ALK: variants seen among roughly 807,000 people sequenced by gnomAD.
ALK encodes ALK tyrosine kinase receptor.
A neutral mutation model predicts 163.1 loss-of-function variants in ALK; 74 were observed. That is an observed-to-expected ratio of 0.45 (90% CI 0.38 to 0.55). The LOEUF (loss-of-function observed/expected upper bound fraction) is 0.55. ALK is among the 20% of genes least tolerant of loss of function. ALK has a pLI of 0.00. For missense variants in ALK, 2,063 were observed against 2,105.3 expected (o/e 0.98, Z 0.39); for synonymous variants, 960 against 843.2 (o/e 1.14, Z -2.40).
intron 1 of ALK, among the ~76,000 whole-genome samples, chr2:29,844,614 G>T (rs958946477): frequency 7.2e-5 from 11 of 152,074 alleles, no homozygotes; most frequent in Admixed American, 4.6e-4. Flanking sequence ...TCTTCTGAAG[G>T]TTAGAACCAT....
intron 1 of ALK, among the ~76,000 whole-genome samples, chr2:29,743,960 T>A (rs1006665215): frequency 3.9e-5 from 6 of 151,914 alleles, no homozygotes; most frequent in African/African-American, 1.2e-4. Flanking sequence ...AAAAAAATGC[T>A]TAGACCATGT....
At chr2:29,531,025 G>A (rs1329672533) in intron 4 of ALK, among the ~76,000 whole-genome samples, 3 of 152,172 alleles carry the variant, frequency 2.0e-5, no homozygotes, top group East Asian at 3.9e-4. Flanking sequence ...CAAAGCAACA[G>A]GCAGGATCTC....
At chr2:29,840,450 G>A (rs1002397063) in intron 1 of ALK, among the ~76,000 whole-genome samples, 2 of 152,182 alleles carry the variant, frequency 1.3e-5, no homozygotes, top group Admixed American at 1.3e-4. Flanking sequence ...CTTCAGTCTA[G>A]TAACAGTTAG....
chr2:29,670,364 G>A (rs1169714402), intron 3 of ALK, among the ~76,000 whole-genome samples: 2 of 151,986 alleles, frequency 1.3e-5, no homozygotes, highest in Non-Finnish European at 2.9e-5. Context: ...CTACTTAGAA[G>A]TCTGTTGAGA....
intron 1 of ALK, among the ~76,000 whole-genome samples, chr2:29,773,730 G>A (rs79032786): frequency 0.038 from 5,727 of 152,198 alleles, 134 homozygotes; most frequent in Middle Eastern, 0.054. Flanking sequence ...GCTGAATTTT[G>A]TTTCATCAAC....
At chr2:29,710,127 G>C (rs1389635681) in intron 2 of ALK, among the ~76,000 whole-genome samples, 2 of 152,130 alleles carry the variant, frequency 1.3e-5, no homozygotes, top group Non-Finnish European at 2.9e-5. Context: ...TTATAATGTG[G>C]AGTTCCCCTG....
intron 22 of ALK, among the ~76,000 whole-genome samples, chr2:29,222,119 C>T (rs777829593): frequency 3.9e-5 from 6 of 152,176 alleles, no homozygotes; most frequent in South Asian, 2.1e-4. Flanking sequence ...ACAGTGACAT[C>T]GGTGGGATTA....
chr2:29,682,258 C>T (rs778394372), intron 3 of ALK, among the ~76,000 whole-genome samples: 1 of 152,162 alleles, frequency 6.6e-6, no homozygotes, highest in African/African-American at 2.4e-5. Flanking sequence ...GAATGAAGCA[C>T]TCATTTGAGG....
chr2:29,211,851 A>G (rs2148157265), intron 24 of ALK, among the ~76,000 whole-genome samples: 1 of 152,372 alleles, frequency 6.6e-6, no homozygotes, highest in Admixed American at 6.5e-5. Context: ...TTGACAATTT[A>G]ATTTCTTAAA....
intron 3 of ALK, among the ~76,000 whole-genome samples, chr2:29,592,546 C>G (rs1675091444): frequency 6.6e-6 from 1 of 152,142 alleles, no homozygotes; most frequent in Non-Finnish European, 1.5e-5. Context: ...GGCCACAAAG[C>G]CTCCTTCTCC....
intron 1 of ALK, among the ~76,000 whole-genome samples, chr2:29,893,084 C>T (rs4549033): frequency 0.67 from 102,364 of 151,990 alleles, 35,273 homozygotes; most frequent in Non-Finnish European, 0.75. Context: ...TGGGCCACTC[C>T]TGATGTGCTG....
chr2:29,530,456 C>T (rs1475285464), intron 4 of ALK, among the ~76,000 whole-genome samples: 20 of 152,224 alleles, frequency 1.3e-4, no homozygotes, highest in Non-Finnish European at 2.5e-4. Flanking sequence ...TCCTCCCACC[C>T]GCCACCAGCA....
At chr2:29,666,457 A>C (rs977302777) in intron 3 of ALK, among the ~76,000 whole-genome samples, 2 of 152,096 alleles carry the variant, frequency 1.3e-5, no homozygotes, top group Non-Finnish European at 2.9e-5. Context: ...TATCTCCTCA[A>C]GGCTCTCATC....
At chr2:29,805,790 G>A (rs1664594192) in intron 1 of ALK, among the ~76,000 whole-genome samples, 1 of 152,144 alleles carries the variant, frequency 6.6e-6, no homozygotes, top group Non-Finnish European at 1.5e-5. Flanking sequence ...TGTGAATAAT[G>A]GGGAGCACTT....
intron 1 of ALK, among the ~76,000 whole-genome samples, chr2:29,764,835 G>A (rs544169820): frequency 6.4e-4 from 97 of 152,226 alleles, no homozygotes; most frequent in African/African-American, 2.2e-3. Flanking sequence ...ATATGATTTG[G>A]ATTTGTGTCC....
At chr2:29,295,131 C>A (rs1300168178) in intron 9 of ALK, among the ~76,000 whole-genome samples, 2 of 152,108 alleles carry the variant, frequency 1.3e-5, no homozygotes, top group Non-Finnish European at 2.9e-5. Flanking sequence ...TGTCTTTTGT[C>A]GGAATCCCCA....
intron 4 of ALK, among the ~76,000 whole-genome samples, chr2:29,522,130 AC>A (rs894560933): frequency 1.3e-5 from 2 of 152,216 alleles, no homozygotes; most frequent in African/African-American, 4.8e-5. Flanking sequence ...TAGGGTAGTT[AC>A]CATCCATAGA....
At chr2:29,798,238 G>A (rs190476763) in intron 1 of ALK, among the ~76,000 whole-genome samples, 49 of 152,374 alleles carry the variant, frequency 3.2e-4, no homozygotes, top group Admixed American at 7.8e-4. Context: ...GTGTGTGAGA[G>A]AGGGAGTCTT....
At chr2:29,199,532 A>G (rs1669106879) in intron 26 of ALK, among the ~76,000 whole-genome samples, 1 of 152,178 alleles carries the variant, frequency 6.6e-6, no homozygotes, top group South Asian at 2.1e-4. Flanking sequence ...TATGCATAAG[A>G]TAATTTCCTC....
Sources: gnomAD v4.1 joint callset for allele counts (sites outside exome capture counted in the v4.1 genomes callset) on GRCh38, gnomAD v4.1.1 for gene constraint, MANE v1.5 for transcripts, NCBI Gene and HGNC (gene_info 2026-07-23, HGNC 2026-07-21) for gene names.